The following IL1RAPL2 variants were observed in gnomAD, a reference collection of about 807,000 sequenced individuals.
The protein encoded by IL1RAPL2 is X-linked interleukin-1 receptor accessory protein-like 2.
A neutral mutation model predicts 44.1 loss-of-function variants in IL1RAPL2; 3 were observed. That is an observed-to-expected ratio of 0.07 (90% CI 0.03 to 0.18). IL1RAPL2 has a LOEUF of 0.18. Ranked by LOEUF, IL1RAPL2 falls within the 10% of genes least tolerant of loss-of-function variation. The pLI is 1.00. For synonymous variants in IL1RAPL2, 181 were observed against 178.8 expected (o/e 1.01, Z -0.10); for missense variants, 391 against 496.4 (o/e 0.79, Z 2.02).
At chrX:105,692,397 A>T (rs2038042504) in intron 6 of IL1RAPL2, among the ~76,000 whole-genome samples, 1 of 111,460 alleles carries the variant, frequency 9.0e-6, no homozygotes, top group South Asian at 3.8e-4. Flanking sequence ...CTATTTGGAG[A>T]CTCTCACCTG....
At chrX:104,679,051 A>G (rs1930843718) in intron 2 of IL1RAPL2, among the ~76,000 whole-genome samples, 1 of 112,159 alleles carries the variant, frequency 8.9e-6, no homozygotes, top group Non-Finnish European at 1.9e-5. Context: ...TGAACTAAAG[A>G]AACTTACCTT....
intron 2 of IL1RAPL2, among the ~76,000 whole-genome samples, chrX:104,950,808 C>A (rs762303077): frequency 1.8e-5 from 2 of 110,585 alleles, no homozygotes; most frequent in African/African-American, 6.6e-5. Context: ...CTGGGGTTCA[C>A]GTCATTCTCC....
chrX:104,914,244 C>T (rs760138636), intron 2 of IL1RAPL2, among the ~76,000 whole-genome samples: 4 of 111,693 alleles, frequency 3.6e-5, no homozygotes, highest in South Asian at 3.8e-4. Context: ...CATTGGAAAT[C>T]GAAATTGTGG....
At chrX:105,199,211 A>G (rs1556143781) in intron 3 of IL1RAPL2, among the ~76,000 whole-genome samples, 1 of 110,282 alleles carries the variant, frequency 9.1e-6, no homozygotes, top group Non-Finnish European at 1.9e-5. Flanking sequence ...AATTCTACTT[A>G]ATTTTCTTGC....
intron 5 of IL1RAPL2, among the ~76,000 whole-genome samples, chrX:105,366,510 T>G (rs2035296473): frequency 9.0e-6 from 1 of 111,308 alleles, no homozygotes; most frequent in Non-Finnish European, 1.9e-5. Context: ...AAACTGCTTT[T>G]GCTGCATTCC....
At chrX:104,802,514 T>C (rs768203709) in intron 2 of IL1RAPL2, among the ~76,000 whole-genome samples, 3 of 111,276 alleles carry the variant, frequency 2.7e-5, no homozygotes, top group Non-Finnish European at 5.7e-5. Flanking sequence ...TATATGACTA[T>C]CACCATTTCA....
chrX:104,898,385 C>G (rs187772443), intron 2 of IL1RAPL2, among the ~76,000 whole-genome samples: 2 of 112,193 alleles, frequency 1.8e-5, no homozygotes, highest in Non-Finnish European at 3.8e-5. Flanking sequence ...TGAGAGACAA[C>G]TAAGTATAGG....
chrX:105,758,619 T>C (rs189579707), intron 10 of IL1RAPL2, among the ~76,000 whole-genome samples: 1 of 111,929 alleles, frequency 8.9e-6, no homozygotes, highest in Admixed American at 9.5e-5. Context: ...TGTTCCGATC[T>C]GGACATTATT....
chrX:104,651,968 T>G (rs775154759), intron 1 of IL1RAPL2, among the ~76,000 whole-genome samples: 1 of 111,675 alleles, frequency 9.0e-6, no homozygotes, highest in South Asian at 3.8e-4. Flanking sequence ...GGTAGTTTAT[T>G]TGGGAGGTGA....
chrX:104,892,005 G>A (rs897183212), intron 2 of IL1RAPL2, among the ~76,000 whole-genome samples: 4 of 111,639 alleles, frequency 3.6e-5, no homozygotes, highest in Non-Finnish European at 3.8e-5. Flanking sequence ...TTAGTATGAA[G>A]GGCTGTTGAA....
intron 3 of IL1RAPL2, among the ~76,000 whole-genome samples, chrX:105,205,596 A>T (rs1393648794): frequency 7.4e-5 from 5 of 67,462 alleles, no homozygotes; most frequent in Middle Eastern, 6.3e-3. Flanking sequence ...TTAAAAAAAA[A>T]AAAAAAAAAA....
chrX:104,954,330 T>G (rs1168918866), intron 2 of IL1RAPL2, among the ~76,000 whole-genome samples: 1 of 111,760 alleles, frequency 8.9e-6, no homozygotes, highest in Non-Finnish European at 1.9e-5. Flanking sequence ...TAAAAAACCA[T>G]AGCTGTTTTG....
At chrX:104,890,184 A>G (rs1182424787) in intron 2 of IL1RAPL2, among the ~76,000 whole-genome samples, 1 of 111,773 alleles carries the variant, frequency 8.9e-6, no homozygotes, top group African/African-American at 3.3e-5. Flanking sequence ...ACATTTTCTT[A>G]ATCCAGTCTA....
intron 5 of IL1RAPL2, among the ~76,000 whole-genome samples, chrX:105,415,568 T>C (rs757505998): frequency 2.5e-4 from 28 of 111,751 alleles, no homozygotes; most frequent in African/African-American, 8.8e-4. Context: ...TGCACTGTAC[T>C]TTCTTTATAT....
chrX:105,326,562 G>A (rs2034940400), intron 5 of IL1RAPL2, among the ~76,000 whole-genome samples: 1 of 111,223 alleles, frequency 9.0e-6, no homozygotes. Flanking sequence ...GTAGGTCTTT[G>A]GTCCATTTTG....
chrX:104,951,552 C>T (rs1925586787), intron 2 of IL1RAPL2, among the ~76,000 whole-genome samples: 1 of 112,387 alleles, frequency 8.9e-6, no homozygotes, highest in Non-Finnish European at 1.9e-5. Context: ...AAATAAAACC[C>T]ATTTCATGAA....
intron 5 of IL1RAPL2, among the ~76,000 whole-genome samples, chrX:105,442,766 TTGAG>T (rs2035929641): frequency 8.9e-6 from 1 of 112,256 alleles, no homozygotes; most frequent in Non-Finnish European, 1.9e-5. Flanking sequence ...CCCTTCTACT[TTGAG>T]TGAGGACAAA....
At position 105,433,425 on chromosome X, in the gene IL1RAPL2, G is replaced by A. The variant is rs774311963; in HGVS notation, c.698-50888G>A. ...GGAAATTGGGTGAGATGAATATAAG[G>A]TGCCATAGCTATGTCCTCTAATATT... On this transcript the variant is annotated intron_variant, in intron 5 of 10. Coordinates refer to ENST00000372582, the MANE Select transcript of IL1RAPL2 (RefSeq NM_017416.2). 3.6e-5 allele frequency among the ~76,000 whole-genome samples: 4 copies of A among 111,007 alleles called. No homozygotes were observed. The East Asian group carries it at 1.1e-3, about 32-fold the overall frequency.
intron 6 of IL1RAPL2, among the ~76,000 whole-genome samples, chrX:105,653,970 C>CACAA (rs2037659562): frequency 1.8e-5 from 2 of 109,953 alleles, no homozygotes; most frequent in South Asian, 7.7e-4. Context: ...TGTATGTGCA[C>CACAA]ACACACAAAC....
Sources: gnomAD v4.1 joint callset for allele counts (sites outside exome capture counted in the v4.1 genomes callset) on GRCh38, gnomAD v4.1.1 for gene constraint, MANE v1.5 for transcripts, NCBI Gene and HGNC (gene_info 2026-07-23, HGNC 2026-07-21) for gene names.